Variants in MTUS1 observed in about 807,000 individuals in gnomAD.
The protein encoded by MTUS1 is microtubule associated scaffold protein 1, also known as microtubule-associated tumor suppressor 1.
MTUS1 carries 109 observed loss-of-function variants against 120.8 expected under a neutral mutation model. The ratio of observed to expected loss-of-function variants is 0.90; its 90% confidence interval spans 0.77 to 1.06. The LOEUF (loss-of-function observed/expected upper bound fraction) is 1.06, where lower values mean the gene tolerates loss of function less well. Ranked by LOEUF, MTUS1 falls within the 50% of genes least tolerant of loss-of-function variation. MTUS1 has a pLI of 0.00. For missense variants in MTUS1, 2,210 were observed against 1,486.3 expected, an observed-to-expected ratio of 1.49 and a Z score of -8.01; for synonymous variants, 737 against 550.5, an observed-to-expected ratio of 1.34 and a Z score of -4.74.
In MTUS1 at chr8:17,737,981, T is replaced by A. The variant is rs1586060195; in HGVS notation, c.2287+5623A>T. ...CCTTAACACGAAATGAATGAAAAAATAATCAGTTTACATAAACCACGAAGG... is the reference window on the plus strand; with the variant it reads ...CCTTAACACGAAATGAATGAAAAAAAAATCAGTTTACATAAACCACGAAGG... On this transcript the variant is annotated intron_variant, in intron 3 of 14. Coordinates refer to ENST00000693296, the MANE Select transcript of MTUS1 (RefSeq NM_001363059.2). 2.0e-5 allele frequency among the ~76,000 whole-genome samples: 3 copies of A among 152,172 alleles called. No individual in the cohort carries two copies. In the East Asian group the frequency reaches 5.8e-4, roughly 29 times the overall value.
chr8:17,712,717 C>A lies in MTUS1; in HGVS notation c.2623+497G>T, dbSNP rs150706113. 5.7e-4 allele frequency among the ~76,000 whole-genome samples: 87 copies of A among 152,072 alleles called. No homozygotes were observed. The East Asian group carries it at 0.016, about 29-fold the overall frequency. ...TCGCAGTGAAGATATTTTGTGAAAT[C>A]TTTTATGGGTTCTTGAGAGACATAA... On this transcript the variant is annotated intron_variant, in intron 6 of 14. Coordinates refer to ENST00000693296, the MANE Select transcript of MTUS1 (RefSeq NM_001363059.2).
At chr8:17,653,942 C>G (rs922781831) in intron 10 of MTUS1, 2 of 158,266 alleles carry the variant, frequency 1.3e-5, no homozygotes, top group African/African-American at 2.4e-5. Flanking sequence ...TGGAGCCAGT[C>G]ACTTTTACAC....
intron 1 of MTUS1, among the ~76,000 whole-genome samples, chr8:17,762,134 C>A (rs1417229426): frequency 6.6e-6 from 1 of 152,038 alleles, no homozygotes; most frequent in Non-Finnish European, 1.5e-5. Flanking sequence ...ACAAAAATTG[C>A]CAGGTATGGT....
rs756762819 is a variant in MTUS1 at position 17,755,192 on chromosome 8, A to T, written c.616T>A (p.Ser206Thr). 1 of 1,614,204 alleles carries T rather than the reference A, an allele frequency of 6.2e-7. No homozygotes were observed. Among genetic ancestry groups the T allele is most frequent in the South Asian group, 1.1e-5 (1 of 91,076 alleles). ...TCAGAATGGGAAGATGTCCAAGTGG[A>T]ATAGGATAAAGAAGATGTACTTCCA... The part of the protein sequence containing the change: ...RSGSTSSLSY[S>T]TWTSSHSDKT... The change falls in exon 2 of 15, where the codon TCC becomes ACC. Residue 206 changes from serine (S) to threonine (T), a missense_variant. By Grantham distance (58) the Ser-to-Thr change is moderately conservative. Transcript: ENST00000693296.
intron 1 of MTUS1, among the ~76,000 whole-genome samples, chr8:17,769,864 C>G (rs2049882845): frequency 6.9e-6 from 1 of 145,332 alleles, no homozygotes. Flanking sequence ...CTCTGACCCA[C>G]TGCCACACTC....
At chr8:17,739,517 T>TA (rs2047164764) in intron 3 of MTUS1, among the ~76,000 whole-genome samples, 3 of 151,710 alleles carry the variant, frequency 2.0e-5, no homozygotes, top group Admixed American at 2.0e-4. Flanking sequence ...ATAAATAAAT[T>TA]AATAAATCAA....
chr8:17,783,512 G>C (rs964894853), intron 1 of MTUS1, among the ~76,000 whole-genome samples: 8 of 152,014 alleles, frequency 5.3e-5, no homozygotes, highest in Admixed American at 1.3e-4. Context: ...TGGAGGAGGA[G>C]ATGATGTAAT....
chr8:17,683,787 C>A (rs1343626134), intron 7 of MTUS1, among the ~76,000 whole-genome samples: 1 of 152,142 alleles, frequency 6.6e-6, no homozygotes, highest in African/African-American at 2.4e-5. Flanking sequence ...GAAATAACAT[C>A]CCTGAAGAAT....
chr8:17,729,686 T>A (rs1410369913), intron 3 of MTUS1, among the ~76,000 whole-genome samples: 1 of 152,180 alleles, frequency 6.6e-6, no homozygotes, highest in Non-Finnish European at 1.5e-5. Flanking sequence ...TGAACCTACA[T>A]GTGATTGCTT....
chr8:17,745,643 T>C (rs1340971474), intron 2 of MTUS1, among the ~76,000 whole-genome samples: 1 of 152,188 alleles, frequency 6.6e-6, no homozygotes, highest in Non-Finnish European at 1.5e-5. Context: ...AGATCACCAG[T>C]GTCACAAGTT....
intron 6 of MTUS1, chr8:17,706,201 T>G (rs1273978531): frequency 6.6e-6 from 1 of 152,164 alleles, no homozygotes; most frequent in Non-Finnish European, 1.5e-5. Flanking sequence ...TCCTAGCAGC[T>G]GACTTAACTA....
intron 1 of MTUS1, among the ~76,000 whole-genome samples, chr8:17,777,828 C>G (rs1024259064): frequency 6.6e-6 from 1 of 152,190 alleles, no homozygotes; most frequent in East Asian, 1.9e-4. Context: ...ATATTTTCCA[C>G]ATCTGTGAAG....
intron 6 of MTUS1, chr8:17,693,117 T>C (rs566053907): frequency 4.4e-4 from 67 of 152,272 alleles, no homozygotes; most frequent in African/African-American, 1.6e-3. Flanking sequence ...AAAAACTGAA[T>C]GCTAAGTGGC....
chr8:17,732,426 C>T (rs756023225), intron 3 of MTUS1, among the ~76,000 whole-genome samples: 17 of 152,206 alleles, frequency 1.1e-4, no homozygotes, highest in Non-Finnish European at 2.4e-4. Flanking sequence ...GATGCCCCTA[C>T]GTTCCTGGCT....
chr8:17,718,733 C>G (rs1182760766), intron 4 of MTUS1, among the ~76,000 whole-genome samples: 1 of 151,914 alleles, frequency 6.6e-6, no homozygotes, highest in Non-Finnish European at 1.5e-5. Context: ...GCCAGAATAA[C>G]AGATTCTCTG....
intron 3 of MTUS1, among the ~76,000 whole-genome samples, chr8:17,726,451 T>C (rs374809395): frequency 7.6e-4 from 115 of 152,270 alleles, no homozygotes; most frequent in Admixed American, 2.1e-3. Context: ...TCAATTCTGG[T>C]CCTCAGGAAC....
At chr8:17,722,590 G>A (rs2045924060) in intron 4 of MTUS1, 1 of 985,030 alleles carries the variant, frequency 1.0e-6, no homozygotes, top group African/African-American at 1.7e-5. Flanking sequence ...TCCAGCTACT[G>A]CTGCTAGGTG....
intron 7 of MTUS1, among the ~76,000 whole-genome samples, chr8:17,680,209 A>G (rs1814066619): frequency 1.3e-5 from 2 of 152,186 alleles, no homozygotes; most frequent in Admixed American, 1.3e-4. Context: ...CATGCCTGTA[A>G]TCCCAGCACT....
Position 17,686,289 on chromosome 8 carries a change from T to C in MTUS1, c.2624-1747A>G, listed in dbSNP as rs200924877. 1.7e-3 allele frequency among the ~76,000 whole-genome samples: 263 copies of C among 152,372 alleles called. 1 individual carries two copies. The highest frequency in any genetic ancestry group is 6.1e-3 in the African/African-American group (252 of 41,588). ...TTTTGGAAAGCGGATTAGGTGGTGA[T>C]GTAATATATGACATACATAAAAATA... On this transcript the variant is annotated intron_variant, in intron 6 of 14. Transcript: ENST00000693296.
Sources: gnomAD v4.1 joint callset for allele counts (sites outside exome capture counted in the v4.1 genomes callset) on GRCh38, gnomAD v4.1.1 for gene constraint, MANE v1.5 for transcripts, NCBI Gene and HGNC (gene_info 2026-07-23, HGNC 2026-07-21) for gene names.